Variants in CSMD1 observed in about 807,000 individuals in gnomAD.
CSMD1 encodes CUB and Sushi multiple domains 1, also known as CUB and sushi domain-containing protein 1.
In CSMD1, 213 loss-of-function variants were observed where a neutral mutation model predicts 417.5. The observed-to-expected ratio is 0.51, with a 90% confidence interval of 0.46 to 0.57. CSMD1 has a LOEUF of 0.57. Among genes scored for constraint, CSMD1 ranks in the 20% least tolerant of loss-of-function variants. The pLI, the probability that CSMD1 is intolerant of heterozygous loss-of-function variation, is 0.00. For synonymous variants in CSMD1, 2,862 were observed against 1,736.8 expected, an observed-to-expected ratio of 1.65 and a Z score of -16.11; for missense variants, 6,923 against 4,529.7, an observed-to-expected ratio of 1.53 and a Z score of -15.17.
chr8:4,849,801 T>G (rs936963856), intron 1 of CSMD1, among the ~76,000 whole-genome samples: 2 of 152,198 alleles, frequency 1.3e-5, no homozygotes, highest in African/African-American at 4.8e-5. Flanking sequence ...CATACATTGA[T>G]GAAATTGCCT....
intron 36 of CSMD1, among the ~76,000 whole-genome samples, chr8:3,185,120 G>A (rs867396484): frequency 6.6e-6 from 1 of 152,230 alleles, no homozygotes; most frequent in Non-Finnish European, 1.5e-5. Flanking sequence ...GTTGGTCAGA[G>A]TGCAGGTGGC....
chr8:4,793,147 A>G (rs905450646), intron 1 of CSMD1, among the ~76,000 whole-genome samples: 15 of 152,138 alleles, frequency 9.9e-5, no homozygotes, highest in Non-Finnish European at 2.1e-4. Flanking sequence ...GCAGGTACCA[A>G]ATTCTTTAAC....
chr8:3,598,699 G>A (rs143591049), intron 8 of CSMD1, among the ~76,000 whole-genome samples: 2 of 152,306 alleles, frequency 1.3e-5, no homozygotes, highest in South Asian at 2.1e-4. Context: ...TGCCTTGGAT[G>A]CTAAAAACCT....
At chr8:3,287,353 C>A (rs539616807) in intron 25 of CSMD1, among the ~76,000 whole-genome samples, 160 of 152,082 alleles carry the variant, frequency 1.1e-3, no homozygotes, top group Non-Finnish European at 1.9e-3. Context: ...TCATTGGTAA[C>A]TTGAAGGGGA....
At chr8:3,675,201 G>T (rs975785444) in intron 7 of CSMD1, among the ~76,000 whole-genome samples, 3 of 152,122 alleles carry the variant, frequency 2.0e-5, no homozygotes, top group Non-Finnish European at 2.9e-5. Flanking sequence ...CCTCACAGAA[G>T]GCCTGACCAC....
intron 1 of CSMD1, among the ~76,000 whole-genome samples, chr8:4,741,685 T>C (rs1488263367): frequency 2.6e-5 from 4 of 152,156 alleles, no homozygotes; most frequent in Non-Finnish European, 5.9e-5. Flanking sequence ...ATCACATCTT[T>C]TCCATTGTCT....
chr8:4,034,271 C>G (rs921784303), intron 3 of CSMD1, among the ~76,000 whole-genome samples: 30 of 152,016 alleles, frequency 2.0e-4, no homozygotes, highest in African/African-American at 7.0e-4. Context: ...GAAATAAATA[C>G]TAGTGTTTAG....
intron 26 of CSMD1, among the ~76,000 whole-genome samples, chr8:3,231,732 C>T (rs1040800531): frequency 6.6e-6 from 1 of 152,170 alleles, no homozygotes; most frequent in African/African-American, 2.4e-5. Context: ...ATGATACAGA[C>T]ATCAAGGATC....
chr8:4,743,138 A>C (rs1220046969), intron 1 of CSMD1, among the ~76,000 whole-genome samples: 1 of 152,188 alleles, frequency 6.6e-6, no homozygotes, highest in Non-Finnish European at 1.5e-5. Context: ...AAAATAACCA[A>C]ACTTTTAACA....
intron 1 of CSMD1, among the ~76,000 whole-genome samples, chr8:4,694,465 C>T (rs1180327021): frequency 1.3e-5 from 2 of 152,118 alleles, no homozygotes; most frequent in African/African-American, 4.8e-5. Context: ...GATTCTCCTG[C>T]CTCAGCCTTC....
chr8:3,634,795 G>A (rs75986009), intron 7 of CSMD1, among the ~76,000 whole-genome samples: 2,211 of 152,228 alleles, frequency 0.015, 62 homozygotes, highest in African/African-American at 0.051. Flanking sequence ...CATGCATCAT[G>A]TGTCCTGAGA....
At chr8:4,168,318 A>G (rs1797571141) in intron 3 of CSMD1, among the ~76,000 whole-genome samples, 1 of 151,904 alleles carries the variant, frequency 6.6e-6, no homozygotes, top group African/African-American at 2.4e-5. Context: ...CTCCCTTGAG[A>G]CCAAAAGGTC....
At chr8:4,376,140 A>T (rs1201752958) in intron 3 of CSMD1, among the ~76,000 whole-genome samples, 1 of 152,230 alleles carries the variant, frequency 6.6e-6, no homozygotes, top group Non-Finnish European at 1.5e-5. Context: ...TGCACTGCAA[A>T]CTTTATGCTC....
At chr8:3,397,470 T>C (rs1811772371) in intron 16 of CSMD1, among the ~76,000 whole-genome samples, 1 of 152,216 alleles carries the variant, frequency 6.6e-6, no homozygotes, top group South Asian at 2.1e-4. Context: ...CTAGTGAATG[T>C]GGTACCCTGG....
intron 3 of CSMD1, among the ~76,000 whole-genome samples, chr8:4,324,857 C>G (rs889448650): frequency 6.6e-6 from 1 of 152,192 alleles, no homozygotes; most frequent in South Asian, 2.1e-4. Context: ...GGACTCCCAT[C>G]CCAGCACACC....
chr8:3,108,309 A>G (rs776481929), intron 44 of CSMD1, among the ~76,000 whole-genome samples: 9 of 152,196 alleles, frequency 5.9e-5, no homozygotes, highest in Non-Finnish European at 7.3e-5. Context: ...ATCTTGAGAC[A>G]GGGATGAGTA....
chr8:4,328,904 T>C (rs1354428895), intron 3 of CSMD1, among the ~76,000 whole-genome samples: 3 of 152,234 alleles, frequency 2.0e-5, no homozygotes, highest in Non-Finnish European at 2.9e-5. Flanking sequence ...TTTGTATATA[T>C]TGGTAGTGTG....
At chr8:4,565,319 TGATGG>T (rs1425861591) in intron 2 of CSMD1, among the ~76,000 whole-genome samples, 1 of 152,226 alleles carries the variant, frequency 6.6e-6, no homozygotes, top group Non-Finnish European at 1.5e-5. Context: ...TCTTAGGCAG[TGATGG>T]CTAACCAGTC....
intron 3 of CSMD1, among the ~76,000 whole-genome samples, chr8:4,397,071 T>C (rs987718747): frequency 1.3e-5 from 2 of 152,118 alleles, no homozygotes; most frequent in East Asian, 1.9e-4. Flanking sequence ...TCTCAAATTA[T>C]GCACACTTCC....
Sources: allele counts gnomAD v4.1 joint callset (sites outside exome capture counted in the v4.1 genomes callset), GRCh38; gene constraint gnomAD v4.1.1; transcripts MANE v1.5; gene names NCBI Gene and HGNC (gene_info 2026-07-23, HGNC 2026-07-21).